The following RHBG variants were observed in gnomAD, a reference collection of about 807,000 sequenced individuals.
RHBG encodes Rh family B glycoprotein.
RHBG carries 39 observed loss-of-function variants against 40.1 expected under a neutral mutation model. That is an observed-to-expected ratio of 0.97 (90% CI 0.75 to 1.27). RHBG has a LOEUF of 1.27. Among genes scored for constraint, RHBG ranks in the 50% most tolerant of loss-of-function variants. RHBG has a pLI of 0.00. For synonymous variants in RHBG, 237 were observed against 252.5 expected (o/e 0.94, Z 0.58); for missense variants, 549 against 588.1 (o/e 0.93, Z 0.69).
chr1:156,380,722 T>A (rs1667561430), intron 4 of RHBG, among the ~76,000 whole-genome samples: 1 of 86,822 alleles, frequency 1.2e-5, no homozygotes, highest in Non-Finnish European at 2.4e-5. Context: ...TGAGACCTTG[T>A]CTCAAAAAAA....
chr1:156,384,545 C>T lies in RHBG; in HGVS notation c.1253C>T (p.Pro418Leu), dbSNP rs202047902. Residue 418 changes from proline to leucine, a missense_variant, in exon 9 of 10, where the codon CCC becomes CTC. Physicochemically the swap from Pro to Leu is moderately conservative, Grantham distance 98. Transcript: ENST00000537040. ...GGLGGLLLKL[P>L]FLDSPPDSQH... ...CCACCAGGGCTCCTGCTGAAGCTAC[C>T]CTTTCTGGACTCCCCCCCAGACTCC... 4.6e-5 allele frequency: 71 copies of T among 1,557,066 alleles called. No homozygotes were observed. Among genetic ancestry groups the T allele is most frequent in the Non-Finnish European group, 5.7e-5 (65 of 1,149,674 alleles).
At position 156,384,616 on chromosome 1, in the gene RHBG, G is replaced by C. The variant is rs769094720; in HGVS notation, c.1308+16G>C. ...TCACTGGCAGGTGAGACATTGCTGG[G>C]CTCTCACACCCTCTGAGTCTCCCTT... On this transcript the variant is annotated intron_variant, in intron 9 of 9. Coordinates refer to ENST00000537040, the MANE Select transcript of RHBG (RefSeq NM_020407.5). 7.7e-6 allele frequency: 12 copies of C among 1,564,072 alleles called. No homozygotes were observed. The highest frequency in any genetic ancestry group is 1.0e-5 in the Non-Finnish European group (12 of 1,151,956).
At position 156,369,296 on chromosome 1, in the gene RHBG, C is replaced by G; in HGVS notation, c.47C>G (p.Pro16Arg). 3 of 1,614,106 alleles carry G rather than the reference C, an allele frequency of 1.9e-6. No homozygotes were observed. The highest frequency in any genetic ancestry group is 2.7e-5 in the African/African-American group (2 of 75,068). The change falls in exon 1 of 10, where the codon CCC (proline) becomes CGC (arginine). Residue 16 changes from proline (P) to arginine (R), a missense_variant. Coordinates refer to ENST00000537040, the MANE Select transcript of RHBG (RefSeq NM_020407.5). Reference sequence around the variant, plus strand: ...GCCGCGGGCCGGCGACTGCAGCTTCCCCTGCTGTGCCTCTTCCTCCAGGGC... The same window carrying G: ...GCCGCGGGCCGGCGACTGCAGCTTCGCCTGCTGTGCCTCTTCCTCCAGGGC... ...SRAAGRRLQL[P>R]LLCLFLQGAT...
At chr1:156,384,735 C>A in intron 9 of RHBG, 42 bp from the exon 10 acceptor site, 1 of 1,603,676 alleles carries the variant, frequency 6.2e-7, no homozygotes, top group Non-Finnish European at 8.5e-7. Context: ...CTTCCAGGCT[C>A]CTGGAGCTAC....
At chr1:156,378,210 G>A (rs1448478952) in intron 3 of RHBG, 42 bp from the exon 4 acceptor site, 2 of 1,609,634 alleles carry the variant, frequency 1.2e-6, no homozygotes. Flanking sequence ...CCAGGAGCGT[G>A]GGGGTGGGGG....
At chr1:156,383,441 A>C (rs1667811786) in intron 8 of RHBG, among the ~76,000 whole-genome samples, 1 of 152,198 alleles carries the variant, frequency 6.6e-6, no homozygotes, top group Admixed American at 6.5e-5. Context: ...ATACCTGGCT[A>C]ATTTTTGTAT....
intron 1 of RHBG, among the ~76,000 whole-genome samples, chr1:156,372,761 G>T (rs1666937298): frequency 6.6e-6 from 1 of 152,130 alleles, no homozygotes; most frequent in African/African-American, 2.4e-5. Flanking sequence ...GTTGTCCAAG[G>T]TCATAAAATC....
intron 1 of RHBG, among the ~76,000 whole-genome samples, chr1:156,374,247 C>A (rs544263458): frequency 6.6e-6 from 1 of 152,250 alleles, no homozygotes; most frequent in South Asian, 2.1e-4. Context: ...CAGTATCAAT[C>A]CAAAACCATC....
At chr1:156,382,536 G>A (rs1485364285) in intron 7 of RHBG, 2 of 701,042 alleles carry the variant, frequency 2.9e-6, no homozygotes, top group African/African-American at 1.8e-5. Context: ...CTAGGTGTCT[G>A]CTGGCCTACA....
At chr1:156,381,679 C>A in intron 5 of RHBG, 127 bp from the exon 6 acceptor site, 1 of 1,403,808 alleles carries the variant, frequency 7.1e-7, no homozygotes, top group Non-Finnish European at 9.7e-7. Flanking sequence ...GATATGGTAG[C>A]AGGACAATGA....
chr1:156,384,424 G>A (rs1427848736), intron 8 of RHBG, 103 bp from the exon 9 acceptor site: 1 of 1,003,326 alleles, frequency 1.0e-6, no homozygotes, highest in African/African-American at 1.6e-5. Flanking sequence ...GCATCATATT[G>A]GTCTTATGCC....
chr1:156,379,077 C>A (rs1200764182), intron 4 of RHBG, among the ~76,000 whole-genome samples: 5 of 151,942 alleles, frequency 3.3e-5, no homozygotes, highest in Non-Finnish European at 5.9e-5. Context: ...TCACCACAAC[C>A]TCTGCCTCCT....
intron 5 of RHBG, 34 bp downstream of exon 5, chr1:156,381,547 G>A (rs764744769): frequency 6.3e-7 from 1 of 1,575,168 alleles, no homozygotes; most frequent in Non-Finnish European, 8.6e-7. Context: ...AGGCAGAGGG[G>A]GTGGCCTGGG....
intron 1 of RHBG, among the ~76,000 whole-genome samples, chr1:156,374,955 T>G (rs1049689449): frequency 3.3e-5 from 5 of 152,258 alleles, no homozygotes; most frequent in African/African-American, 1.2e-4. Context: ...TCTTTATCCA[T>G]TCATCTGTTA....
At chr1:156,380,166 A>T (rs1667522561) in intron 4 of RHBG, among the ~76,000 whole-genome samples, 1 of 134,170 alleles carries the variant, frequency 7.5e-6, no homozygotes, top group Admixed American at 8.7e-5. Context: ...GCTGGAGTGC[A>T]GTGGCATGAT....
At position 156,377,397 on chromosome 1, in the gene RHBG, TC is replaced by T; in HGVS notation, c.286del (p.Leu96TrpfsTer31). The T allele has an allele frequency of 1.9e-6, 3 of 1,614,224 alleles. No homozygotes were observed. The highest frequency in any genetic ancestry group is 2.5e-6 in the Non-Finnish European group (3 of 1,180,034). ...YGFSSVGFTF[L>X]LAAFALQWST... ...TTCAGCAGCGTGGGCTTCACCTTCC[TC>T]CTGGCCGCCTTTGCCCTGCAGTGGT... On this transcript the variant is annotated frameshift_variant, in exon 2 of 10. Coordinates refer to ENST00000537040, the MANE Select transcript of RHBG (RefSeq NM_020407.5). LOFTEE classifies it high-confidence loss of function. The surrounding 1 kb of genome is among the most constrained non-coding windows in gnomAD (Gnocchi z 4.6).
chr1:156,376,478 C>G (rs1322536431), intron 1 of RHBG, among the ~76,000 whole-genome samples: 1 of 151,966 alleles, frequency 6.6e-6, no homozygotes, highest in East Asian at 1.9e-4. Context: ...ATTTTTGTCC[C>G]TCAACCTCCC....
At chr1:156,370,105 G>A (rs1442322683) in intron 1 of RHBG, among the ~76,000 whole-genome samples, 2 of 152,048 alleles carry the variant, frequency 1.3e-5, no homozygotes, top group Non-Finnish European at 2.9e-5. Flanking sequence ...CTGAGGTCAG[G>A]AGTTCAAGGC....
rs191178822 is a variant in RHBG at position 156,369,792 on chromosome 1, T to G, written c.187+356T>G. Among the ~76,000 whole-genome samples, 1,030 of 152,266 alleles carry G rather than the reference T, an allele frequency of 6.8e-3. 5 individuals are homozygous for G. Among genetic ancestry groups the G allele is most frequent in the Non-Finnish European group, 0.011 (770 of 68,014 alleles). On this transcript the variant is annotated intron_variant, in intron 1 of 9. Transcript: ENST00000537040. ...CCATCCTCTTGTCCCACATCTCAGT[T>G]GGCCTAATTGGGCTTTGCTGGGCTG...
Sources: allele counts gnomAD v4.1 joint callset (sites outside exome capture counted in the v4.1 genomes callset), GRCh38; gene constraint gnomAD v4.1.1; non-coding constraint Gnocchi (gnomAD v3.1); transcripts MANE v1.5; gene names NCBI Gene and HGNC (gene_info 2026-07-23, HGNC 2026-07-21).